The following KCNK12 variants were observed in gnomAD, a reference collection of about 807,000 sequenced individuals.
KCNK12 encodes potassium two pore domain channel subfamily K member 12, also known as potassium channel subfamily K member 12.
A neutral mutation model predicts 25.3 loss-of-function variants in KCNK12; 6 were observed. The ratio of observed to expected loss-of-function variants is 0.24; its 90% confidence interval spans 0.13 to 0.47. The LOEUF is 0.47. Among genes scored for constraint, KCNK12 ranks in the 20% least tolerant of loss-of-function variants. KCNK12 has a pLI of 0.99. For missense variants in KCNK12, 444 were observed against 661.7 expected (o/e 0.67, Z 3.61); for synonymous variants, 331 against 311.1 (o/e 1.06, Z -0.67).
intron 1 of KCNK12, among the ~76,000 whole-genome samples, chr2:47,522,093 C>T (rs752136812): frequency 6.6e-6 from 1 of 152,194 alleles, no homozygotes; most frequent in East Asian, 1.9e-4. Flanking sequence ...CTAGGAAGGA[C>T]CCATCATGAC....
At chr2:47,535,837 T>C (rs1431455730) in intron 1 of KCNK12, among the ~76,000 whole-genome samples, 1 of 152,164 alleles carries the variant, frequency 6.6e-6, no homozygotes, top group Non-Finnish European at 1.5e-5. Flanking sequence ...CCAAAACGCC[T>C]GCCCTGGATC....
Position 47,559,386 on chromosome 2 carries a change from A to T in KCNK12, c.391+10555T>A, listed in dbSNP as rs530788025. ...GGTTCTGGAAACGTGGTCTGGGCCC[A>T]GCTTGCTCAGTTTTTATTTTTTGTT... On this transcript the variant is annotated intron_variant, in intron 1 of 1. Transcript: ENST00000327876. Among the ~76,000 whole-genome samples, 382 of 152,304 alleles carry T rather than the reference A, an allele frequency of 2.5e-3. 3 individuals are homozygous for T. Among genetic ancestry groups the T allele is most frequent in the African/African-American group, 8.8e-3 (365 of 41,556 alleles).
rs1018280368 is a variant in KCNK12 at position 47,513,188 on chromosome 2, C to G, written c.*7719G>C. 1 of 152,298 alleles carries G rather than the reference C, an allele frequency of 6.6e-6. No homozygotes were observed. Among genetic ancestry groups the G allele is most frequent in the African/African-American group, 2.4e-5 (1 of 41,554 alleles). 9.4% of individuals were successfully genotyped at this position (152,298 alleles called of 1,614,324 possible). ...TGTTAGAGTGGCTTGAATCTGTATCCTAACTTGTATCCCTAATGTGTGACC... is the reference window on the plus strand; with the variant it reads ...TGTTAGAGTGGCTTGAATCTGTATCGTAACTTGTATCCCTAATGTGTGACC... On this transcript the variant is annotated 3_prime_UTR_variant, in exon 2 of 2. Transcript: ENST00000327876.
At position 47,521,347 on chromosome 2, in the gene KCNK12, G is replaced by C; in HGVS notation, c.853C>G (p.Leu285Val). 1 of 1,613,682 alleles carries C rather than the reference G, an allele frequency of 6.2e-7. No homozygotes were observed. Among genetic ancestry groups the C allele is most frequent in the South Asian group, 1.1e-5 (1 of 90,940 alleles). ...GAGTAAATGCAGCACACGCCGAGCA[G>C]GATGAAGAGGAAGTTGCCCAGGCGG... ...LYRLGNFLFI[L>V]LGVCCIYSLF... Residue 285 changes from leucine to valine, a missense_variant, in exon 2 of 2, where the codon CTG becomes GTG. Leu to Val is a conservative substitution (Grantham distance 32, BLOSUM62 1). Transcript: ENST00000327876.
chr2:47,547,797 C>T lies in KCNK12; in HGVS notation c.391+22144G>A, dbSNP rs914458827. Among the ~76,000 whole-genome samples, 79 of 152,210 alleles carry T rather than the reference C, an allele frequency of 5.2e-4. No homozygotes were observed. Among genetic ancestry groups the T allele is most frequent in the African/African-American group, 1.4e-3 (58 of 41,536 alleles). Reference sequence around the variant, plus strand: ...ATTTTTAGTAGAGAGGGGGTTTCACCGTGTTGGCCAGGCTGGTCTCGAACT... The same window carrying T: ...ATTTTTAGTAGAGAGGGGGTTTCACTGTGTTGGCCAGGCTGGTCTCGAACT... On this transcript the variant is annotated intron_variant, in intron 1 of 1. Transcript: ENST00000327876. This position sits in a 1 kb window ranked among gnomAD's most constrained non-coding sequence, Gnocchi z 5.0.
Position 47,517,319 on chromosome 2 carries a change from C to A in KCNK12, c.*3588G>T, listed in dbSNP as rs1346844744. ...CAGGAAGAGGGGGTCTGCTGGGAGGCCTGTCTGAAGGACGGAGGATCCTGG... is the reference window on the plus strand; with the variant it reads ...CAGGAAGAGGGGGTCTGCTGGGAGGACTGTCTGAAGGACGGAGGATCCTGG... On this transcript the variant is annotated 3_prime_UTR_variant, in exon 2 of 2. Transcript: ENST00000327876. The surrounding 1 kb of genome is among the most constrained non-coding windows in gnomAD (Gnocchi z 4.1). 2.0e-5 allele frequency: 3 copies of A among 152,114 alleles called. No homozygotes were observed. The South Asian group carries it at 6.2e-4, about 32-fold the overall frequency. The allele number at this position is 152,114 out of a possible 1,614,324, so 9.4% of individuals were successfully genotyped here.
intron 1 of KCNK12, among the ~76,000 whole-genome samples, chr2:47,532,091 A>C (rs72890156): frequency 0.022 from 3,283 of 152,272 alleles, 124 homozygotes; most frequent in African/African-American, 0.076. Context: ...TTCATTCAAC[A>C]AACATTTATT....
intron 1 of KCNK12, among the ~76,000 whole-genome samples, chr2:47,532,003 T>C (rs10184441): frequency 1 from 151,583 of 152,144 alleles, 75,515 homozygotes; most frequent in East Asian, 1. Context: ...GCTGAGATCA[T>C]GTCACTGCAC....
intron 1 of KCNK12, among the ~76,000 whole-genome samples, chr2:47,537,476 G>A (rs571239294): frequency 1.3e-5 from 2 of 151,778 alleles, no homozygotes; most frequent in African/African-American, 2.4e-5. Context: ...GATTACAGGC[G>A]CCCACCACGA....
rs902926098 is a variant in KCNK12, at chr2:47,562,773, C to A, written c.391+7168G>T. The A allele has an allele frequency of 9.0e-4, 209 of 233,308 alleles. No individual in the cohort carries two copies. The highest frequency in any genetic ancestry group is 1.3e-3 in the Non-Finnish European group (156 of 118,062). 14.5% of individuals were successfully genotyped at this position (233,308 alleles called of 1,614,324 possible). ...TCCTGCAGTTTCAAGCCCCTCCACCCCCTGTTCCTCACCAACTCTCCCCGT... is the reference window on the plus strand; with the variant it reads ...TCCTGCAGTTTCAAGCCCCTCCACCACCTGTTCCTCACCAACTCTCCCCGT... On this transcript the variant is annotated intron_variant, in intron 1 of 1. Transcript: ENST00000327876. This position sits in a 1 kb window ranked among gnomAD's most constrained non-coding sequence, Gnocchi z 4.8.
chr2:47,537,408 G>C (rs1669097325), intron 1 of KCNK12, among the ~76,000 whole-genome samples: 1 of 151,212 alleles, frequency 6.6e-6, no homozygotes, highest in African/African-American at 2.4e-5. Context: ...TCAGCTCTCT[G>C]CAACCTCCGC....
At chr2:47,563,404 T>G (rs1669724161) in intron 1 of KCNK12, 2 of 233,290 alleles carry the variant, frequency 8.6e-6, no homozygotes, top group South Asian at 3.6e-4. Context: ...AGAAAGGGTG[T>G]GGGAGAGTGA....
At chr2:47,521,838 C>T (rs1319078577) in intron 1 of KCNK12, 30 bp from the exon 2 acceptor site, 1 of 1,480,496 alleles carries the variant, frequency 6.8e-7, no homozygotes, top group Non-Finnish European at 8.9e-7. Flanking sequence ...TCAGCGCGGT[C>T]CTGGCCGCGC....
chr2:47,538,349 T>C lies in KCNK12; in HGVS notation c.392-16541A>G, dbSNP rs774131070. On this transcript the variant is annotated intron_variant, in intron 1 of 1. Transcript: ENST00000327876. The surrounding 1 kb of genome is among the most constrained non-coding windows in gnomAD (Gnocchi z 4.5). ...GGAGGAGGCAGGTCATGGTTTTAAG[T>C]GGGGTGGGTCCAGGGAGGCCTCGTT... is the stretch of plus-strand genomic sequence containing the variant. 2.0e-5 allele frequency among the ~76,000 whole-genome samples: 3 copies of C among 151,870 alleles called. No individual in the cohort carries two copies. Among genetic ancestry groups the C allele is most frequent in the Non-Finnish European group, 4.4e-5 (3 of 67,954 alleles).
At position 47,516,707 on chromosome 2, in the gene KCNK12, C is replaced by T. The variant is rs1668532184; in HGVS notation, c.*4200G>A. On this transcript the variant is annotated 3_prime_UTR_variant, in exon 2 of 2. Coordinates refer to ENST00000327876, the MANE Select transcript of KCNK12 (RefSeq NM_022055.2). ...CTTGTCCCGCATGCTCTAGCCCCCT[C>T]CTGAGAGAACAGATAGCATAAAAAA... 6.6e-6 allele frequency: 1 copy of T among 152,186 alleles called. No individual in the cohort carries two copies. The allele number at this position is 152,186 out of a possible 1,614,324, so 9.4% of individuals were successfully genotyped here.
rs1668403773 is a variant in KCNK12, at chr2:47,511,569, T to C, written c.*9338A>G. Among the ~76,000 whole-genome samples, 1 of 152,092 alleles carries C rather than the reference T, an allele frequency of 6.6e-6. No individual in the cohort carries two copies. Among genetic ancestry groups the C allele is most frequent in the African/African-American group, 2.4e-5 (1 of 41,414 alleles). ...CCCGCACAGGTGTGACATCACAGGG[T>C]AACCAAATGCTTTTGCCCTGGGGGT... is the stretch of plus-strand genomic sequence containing the variant. On this transcript the variant is annotated 3_prime_UTR_variant, in exon 2 of 2. Transcript: ENST00000327876. This position sits in a 1 kb window ranked among gnomAD's most constrained non-coding sequence, Gnocchi z 4.3.
intron 1 of KCNK12, chr2:47,563,185 A>T: frequency 4.3e-6 from 1 of 233,510 alleles, no homozygotes; most frequent in Non-Finnish European, 8.5e-6. Context: ...GTTTTTACCC[A>T]AAGCCCCCTC....
At chr2:47,563,606 T>C (rs1323127393) in intron 1 of KCNK12, 1 of 232,904 alleles carries the variant, frequency 4.3e-6, no homozygotes, top group Non-Finnish European at 8.5e-6. Flanking sequence ...GCTCTAGGGC[T>C]CTTCAGAGAA....
chr2:47,550,874 A>C (rs570161219), intron 1 of KCNK12, among the ~76,000 whole-genome samples: 130 of 152,248 alleles, frequency 8.5e-4, no homozygotes, highest in African/African-American at 3.1e-3. Context: ...CTCACCTGGA[A>C]TATTTCAAAA....
Sources: allele counts gnomAD v4.1 joint callset (sites outside exome capture counted in the v4.1 genomes callset), GRCh38; gene constraint gnomAD v4.1.1; non-coding constraint Gnocchi (gnomAD v3.1); transcripts MANE v1.5; gene names NCBI Gene and HGNC (gene_info 2026-07-23, HGNC 2026-07-21).